Variants in CDK5RAP2 observed in about 807,000 individuals in gnomAD.
CDK5RAP2 encodes CDK5 regulatory subunit-associated protein 2.
In CDK5RAP2, 147 loss-of-function variants were observed where a neutral mutation model predicts 232.9. That is an observed-to-expected ratio of 0.63 (90% CI 0.55 to 0.72). The LOEUF is 0.72. CDK5RAP2 is among the 30% of genes least tolerant of loss of function. CDK5RAP2 has a pLI of 0.00. For synonymous variants in CDK5RAP2, 833 were observed against 833.7 expected (o/e 1.00, Z 0.01); for missense variants, 2,195 against 2,231.5 (o/e 0.98, Z 0.33).
In CDK5RAP2 at chr9:120,579,931, G is replaced by A; in HGVS notation, c.48C>T (p.Leu16=). 6.2e-7 allele frequency: 1 copy of A among 1,613,354 alleles called. No homozygotes were observed. Among genetic ancestry groups the A allele is most frequent in the Admixed American group, 1.7e-5 (1 of 60,036 alleles). Residue 16 remains leucine (L), a synonymous_variant, in exon 1 of 38, where the codon CTC becomes CTT. Transcript: ENST00000349780. ...LEEDVTVPGT[L]SGCSGLVPSV... ...TGCCCCGGCCGCACCTGCAGCCGCTGAGCGTCCCAGGGACGGTGACGTCCT... is the reference window on the plus strand; with the variant it reads ...TGCCCCGGCCGCACCTGCAGCCGCTAAGCGTCCCAGGGACGGTGACGTCCT...
chr9:120,488,016 A>C (rs552312484), intron 13 of CDK5RAP2, among the ~76,000 whole-genome samples: 1 of 152,332 alleles, frequency 6.6e-6, no homozygotes, highest in South Asian at 2.1e-4. Context: ...ATCACACATG[A>C]TATGATTCCA....
rs965761601 is a variant in CDK5RAP2, at chr9:120,403,034, G to T, written c.5079C>A (p.Asp1693Glu). The change falls in exon 34 of 38, where the codon GAC becomes GAA. Residue 1693 changes from aspartate to glutamate, a missense_variant. Physicochemically the swap from Asp to Glu is conservative, Grantham distance 45 (BLOSUM62 2). Coordinates refer to ENST00000349780, the MANE Select transcript of CDK5RAP2 (RefSeq NM_018249.6). This position sits in a 1 kb window ranked among gnomAD's most constrained non-coding sequence, Gnocchi z 4.2. ...ETPPLSGNDT[D>E]SLSCDSGSSA... is the part of the protein sequence containing the mutation. ...AACTGCCACTGTCGCAGGAGAGGGAGTCCGTGTCATTCCCAGAGAGTGGAG... is the reference window on the plus strand; with the variant it reads ...AACTGCCACTGTCGCAGGAGAGGGATTCCGTGTCATTCCCAGAGAGTGGAG... 9.3e-6 allele frequency: 15 copies of T among 1,614,188 alleles called. No individual in the cohort carries two copies. Among genetic ancestry groups the T allele is most frequent in the Non-Finnish European group, 1.2e-5 (14 of 1,180,010 alleles).
intron 14 of CDK5RAP2, among the ~76,000 whole-genome samples, chr9:120,478,127 T>C (rs2038115059): frequency 6.6e-6 from 1 of 152,240 alleles, no homozygotes; most frequent in South Asian, 2.1e-4. Flanking sequence ...TCTGAGACTC[T>C]GGGAAGTTAC....
At chr9:120,575,767 A>G (rs1436662600) in intron 1 of CDK5RAP2, among the ~76,000 whole-genome samples, 1 of 152,230 alleles carries the variant, frequency 6.6e-6, no homozygotes, top group East Asian at 1.9e-4. Flanking sequence ...AAAAAGACCT[A>G]TAACTTCCAG....
chr9:120,493,777 T>TA (rs1375693509), intron 12 of CDK5RAP2, among the ~76,000 whole-genome samples: 3 of 151,446 alleles, frequency 2.0e-5, no homozygotes, highest in Non-Finnish European at 2.9e-5. Context: ...TTACATGGGG[T>TA]AAAAAAAGGA....
chr9:120,437,019 G>C (rs970435622), intron 25 of CDK5RAP2, among the ~76,000 whole-genome samples: 2 of 152,202 alleles, frequency 1.3e-5, no homozygotes, highest in Non-Finnish European at 2.9e-5. Flanking sequence ...TGCTGAGTGA[G>C]AGGCAGTGCC....
chr9:120,477,602 G>C (rs570955166), intron 14 of CDK5RAP2, 152 bp from the exon 15 acceptor site: 9 of 689,802 alleles, frequency 1.3e-5, no homozygotes, highest in Non-Finnish European at 2.1e-5. Flanking sequence ...GCCACAGTCA[G>C]AGAGCACCAC....
Position 120,458,406 on chromosome 9 carries a change from C to G in CDK5RAP2, c.2375+44G>C, listed in dbSNP as rs1238278751. The G allele has an allele frequency of 3.1e-6, 5 of 1,592,706 alleles. No individual in the cohort carries two copies. In the South Asian group the frequency reaches 5.5e-5, roughly 18 times the overall value. Reference sequence around the variant, plus strand: ...ATTTAGCAAAATGAGTTTGTTCTCCCCTAGAACTAGAGAAACAAAGGAATG... The same window carrying G: ...ATTTAGCAAAATGAGTTTGTTCTCCGCTAGAACTAGAGAAACAAAGGAATG... On this transcript the variant is annotated intron_variant, in intron 20 of 37. Transcript: ENST00000349780.
intron 3 of CDK5RAP2, among the ~76,000 whole-genome samples, chr9:120,558,448 A>T (rs1388215315): frequency 6.7e-6 from 1 of 148,688 alleles, no homozygotes; most frequent in African/African-American, 2.5e-5. Context: ...CTTAGACTTC[A>T]GACCGATCTG....
chr9:120,551,465 C>T (rs2042038357), intron 3 of CDK5RAP2, among the ~76,000 whole-genome samples: 1 of 152,188 alleles, frequency 6.6e-6, no homozygotes, highest in Non-Finnish European at 1.5e-5. Flanking sequence ...CATCTCTTAT[C>T]ACCATTGAAG....
chr9:120,466,034 T>C (rs894930155), intron 18 of CDK5RAP2, among the ~76,000 whole-genome samples: 1 of 152,214 alleles, frequency 6.6e-6, no homozygotes, highest in Non-Finnish European at 1.5e-5. Context: ...CTTTTCCAAA[T>C]GTTGGGGTAA....
chr9:120,486,272 C>G (rs917290243), intron 14 of CDK5RAP2, among the ~76,000 whole-genome samples: 3 of 152,070 alleles, frequency 2.0e-5, no homozygotes, highest in African/African-American at 7.2e-5. Context: ...CCATGTTGTA[C>G]CAGTTGTTAA....
chr9:120,395,745 T>C (rs534143896), intron 35 of CDK5RAP2, among the ~76,000 whole-genome samples: 1 of 152,320 alleles, frequency 6.6e-6, no homozygotes, highest in Non-Finnish European at 1.5e-5. Context: ...AGTAAGCCCA[T>C]GAAATATGTG....
intron 13 of CDK5RAP2, among the ~76,000 whole-genome samples, chr9:120,490,595 T>G (rs985071226): frequency 6.6e-6 from 1 of 152,264 alleles, no homozygotes; most frequent in African/African-American, 2.4e-5. Context: ...CCCAAAGGCA[T>G]GTAGCTGTGT....
intron 24 of CDK5RAP2, 81 bp from the exon 25 acceptor site, chr9:120,437,608 CAG>C (rs2035661977): frequency 1.9e-6 from 2 of 1,026,882 alleles, no homozygotes; most frequent in African/African-American, 3.1e-5. Flanking sequence ...GGAAAAATGA[CAG>C]AGTACAATTT....
At position 120,557,768 on chromosome 9, in the gene CDK5RAP2, CTT is replaced by C. The variant is rs770030982; in HGVS notation, c.196-6868_196-6867del. On this transcript the variant is annotated intron_variant, in intron 3 of 37. Coordinates refer to ENST00000349780, the MANE Select transcript of CDK5RAP2 (RefSeq NM_018249.6). ...AGTGAGACCCTCTGTCAAAAAAAAACTTTTTTTTTTTTTTTTGAGACAGTCTC... is the reference window on the plus strand; with the variant it reads ...AGTGAGACCCTCTGTCAAAAAAAAACTTTTTTTTTTTTTTGAGACAGTCTC... Among the ~76,000 whole-genome samples, 126 of 113,754 alleles carry C rather than the reference CTT, an allele frequency of 1.1e-3. 1 individual carries two copies. The highest frequency in any genetic ancestry group is 4.1e-3 in the African/African-American group (117 of 28,832). The allele number at this position is 113,754 out of a possible 152,430, so 74.6% of individuals were successfully genotyped here. A position where few individuals can be genotyped will look rare whatever the true frequency, so the allele number is the denominator to read the frequency against.
chr9:120,518,165 C>CTGTGTGTGTGTGTGTGTGTGTG (rs56032707), intron 12 of CDK5RAP2, among the ~76,000 whole-genome samples: 1 of 111,182 alleles, frequency 9.0e-6, no homozygotes, highest in Non-Finnish European at 1.8e-5. Flanking sequence ...GATAACAACT[C>CTGTGTGTGTGTGTGTGTGTGTG]TGTGTGTGTG....
intron 25 of CDK5RAP2, among the ~76,000 whole-genome samples, chr9:120,436,512 T>C (rs953273493): frequency 6.6e-6 from 1 of 152,202 alleles, no homozygotes; most frequent in African/African-American, 2.4e-5. Context: ...GATAATAGTA[T>C]ATTAGACAAC....
intron 35 of CDK5RAP2, among the ~76,000 whole-genome samples, chr9:120,397,816 T>C (rs1471452908): frequency 6.6e-6 from 1 of 152,202 alleles, no homozygotes; most frequent in Non-Finnish European, 1.5e-5. Context: ...AACAGACTGC[T>C]GGGGTGCACT....
Sources: gnomAD v4.1 joint callset for allele counts (sites outside exome capture counted in the v4.1 genomes callset) on GRCh38, gnomAD v4.1.1 for gene constraint, Gnocchi (gnomAD v3.1) non-coding constraint, MANE v1.5 for transcripts, NCBI Gene and HGNC (gene_info 2026-07-23, HGNC 2026-07-21) for gene names.